KCNB2: variants seen among roughly 807,000 people sequenced by gnomAD.
KCNB2 encodes the protein potassium voltage-gated channel subfamily B member 2.
A neutral mutation model predicts 61.5 loss-of-function variants in KCNB2; 15 were observed. The ratio of observed to expected loss-of-function variants is 0.24; its 90% CI spans 0.16 to 0.38. The LOEUF (loss-of-function observed/expected upper bound fraction) is 0.38. KCNB2 is among the 10% of genes least tolerant of loss of function. The pLI is 1.00. For missense variants in KCNB2, 828 were observed against 1,125.2 expected (o/e 0.74, Z 3.78); for synonymous variants, 457 against 446.0 (o/e 1.02, Z -0.31).
chr8:72,806,628 A>G (rs984627247), intron 2 of KCNB2, among the ~76,000 whole-genome samples: 22 of 152,062 alleles, frequency 1.4e-4, no homozygotes, highest in Non-Finnish European at 2.2e-4. Flanking sequence ...AAAAAAAAAG[A>G]TGAATAATTT....
At chr8:72,631,121 A>G (rs1218433630) in intron 2 of KCNB2, among the ~76,000 whole-genome samples, 1 of 152,244 alleles carries the variant, frequency 6.6e-6, no homozygotes, top group African/African-American at 2.4e-5. Flanking sequence ...AATAAAAGTT[A>G]TGTGAATATG....
At chr8:72,831,868 A>G (rs920901072) in intron 2 of KCNB2, among the ~76,000 whole-genome samples, 52 of 152,384 alleles carry the variant, frequency 3.4e-4, no homozygotes, top group African/African-American at 1.2e-3. Context: ...ATCAGATCAT[A>G]TTATACTTGA....
At chr8:72,579,242 C>A (rs1806851995) in intron 2 of KCNB2, among the ~76,000 whole-genome samples, 1 of 152,102 alleles carries the variant, frequency 6.6e-6, no homozygotes, top group Non-Finnish European at 1.5e-5. Context: ...TACTGAACAA[C>A]TGTTGATTTT....
In KCNB2 at chr8:72,688,666, A is replaced by G. The variant is rs147702072; in HGVS notation, c.579+120353A>G. Among the ~76,000 whole-genome samples, 708 of 152,244 alleles carry G rather than the reference A, an allele frequency of 4.7e-3. 7 individuals carry two copies. The highest frequency in any genetic ancestry group is 0.016 in the African/African-American group (676 of 41,528). On this transcript the variant is annotated intron_variant, in intron 2 of 2. Coordinates refer to ENST00000523207, the MANE Select transcript of KCNB2 (RefSeq NM_004770.3). Reference sequence around the variant, plus strand: ...TAAATATTGAATAAATGAATTAACTACTTTAGAGTGTAATTACCATAATTT... The same window carrying G: ...TAAATATTGAATAAATGAATTAACTGCTTTAGAGTGTAATTACCATAATTT...
intron 2 of KCNB2, among the ~76,000 whole-genome samples, chr8:72,767,997 TG>T: frequency 1.3e-5 from 2 of 152,248 alleles, no homozygotes; most frequent in Non-Finnish European, 2.9e-5. Context: ...ATGTGTTTAT[TG>T]GCCTTTGTAT....
At chr8:72,923,046 G>T (rs796113676) in intron 2 of KCNB2, among the ~76,000 whole-genome samples, 3 of 151,934 alleles carry the variant, frequency 2.0e-5, no homozygotes, top group African/African-American at 7.2e-5. Context: ...GGAGCTTCCA[G>T]GTCATAGGTG....
chr8:72,558,434 A>G (rs991983274), intron 1 of KCNB2, among the ~76,000 whole-genome samples: 2 of 152,250 alleles, frequency 1.3e-5, no homozygotes, highest in Non-Finnish European at 2.9e-5. Flanking sequence ...AGCAGGAAAG[A>G]TTAATTCTTT....
intron 2 of KCNB2, among the ~76,000 whole-genome samples, chr8:72,913,825 A>C (rs1806343923): frequency 6.6e-6 from 1 of 152,220 alleles, no homozygotes; most frequent in Admixed American, 6.5e-5. Context: ...ACTTTTCAAC[A>C]AACATTTCAT....
At chr8:72,854,317 C>A (rs1295140895) in intron 2 of KCNB2, among the ~76,000 whole-genome samples, 1 of 152,114 alleles carries the variant, frequency 6.6e-6, no homozygotes, top group Non-Finnish European at 1.5e-5. Flanking sequence ...ACACAGGTAT[C>A]AGTTATATAT....
At chr8:72,884,023 T>G (rs1805761730) in intron 2 of KCNB2, among the ~76,000 whole-genome samples, 1 of 152,242 alleles carries the variant, frequency 6.6e-6, no homozygotes, top group African/African-American at 2.4e-5. Flanking sequence ...ATTGTATTGT[T>G]TTAGCTCTTT....
chr8:72,708,365 C>T (rs1807268585), intron 2 of KCNB2, among the ~76,000 whole-genome samples: 1 of 152,204 alleles, frequency 6.6e-6, no homozygotes, highest in African/African-American at 2.4e-5. Context: ...GGACAAACAG[C>T]TAAGCGCTCG....
chr8:72,714,351 A>G (rs974739467), intron 2 of KCNB2, among the ~76,000 whole-genome samples: 7 of 151,886 alleles, frequency 4.6e-5, no homozygotes, highest in African/African-American at 1.7e-4. Context: ...TCCAAGACAC[A>G]TAATTGTCAG....
At chr8:72,894,844 T>C (rs1341720344) in intron 2 of KCNB2, among the ~76,000 whole-genome samples, 1 of 152,194 alleles carries the variant, frequency 6.6e-6, no homozygotes, top group Non-Finnish European at 1.5e-5. Context: ...CATCTGGACA[T>C]TCAGTGAGAA....
At chr8:72,796,545 A>G (rs977242543) in intron 2 of KCNB2, among the ~76,000 whole-genome samples, 2 of 152,186 alleles carry the variant, frequency 1.3e-5, no homozygotes, top group South Asian at 2.1e-4. Context: ...AAAAGTAATT[A>G]TGGTTTTCAG....
chr8:72,864,839 A>C lies in KCNB2; in HGVS notation c.580-71096A>C, dbSNP rs565323656. ...TAGGAATTGCTGCCGGCCAGGCTCT[A>C]TTAGAGCCCTGGTTAATTAAATCTC... On this transcript the variant is annotated intron_variant, in intron 2 of 2. Transcript: ENST00000523207. Among the ~76,000 whole-genome samples, 382 of 152,314 alleles carry C rather than the reference A, an allele frequency of 2.5e-3. 4 individuals are homozygous for C. The highest frequency in any genetic ancestry group is 8.6e-3 in the African/African-American group (359 of 41,550).
chr8:72,847,172 G>A (rs989044900), intron 2 of KCNB2, among the ~76,000 whole-genome samples: 9 of 152,194 alleles, frequency 5.9e-5, no homozygotes, highest in Non-Finnish European at 1.2e-4. Flanking sequence ...CAGACTGGGG[G>A]CAATGGCTCC....
At chr8:72,858,395 T>G (rs995393276) in intron 2 of KCNB2, among the ~76,000 whole-genome samples, 1 of 152,004 alleles carries the variant, frequency 6.6e-6, no homozygotes, top group Non-Finnish European at 1.5e-5. Flanking sequence ...TAACTTTTTT[T>G]AAAAAAAAGA....
intron 2 of KCNB2, among the ~76,000 whole-genome samples, chr8:72,860,674 A>G (rs1810285510): frequency 6.6e-6 from 1 of 152,202 alleles, no homozygotes; most frequent in South Asian, 2.1e-4. Flanking sequence ...ATCTGAGGAA[A>G]TGCACTTAAA....
intron 2 of KCNB2, chr8:72,749,552 G>T (rs529237842): frequency 2.6e-5 from 4 of 151,732 alleles, no homozygotes; most frequent in African/African-American, 4.8e-5. Flanking sequence ...AAAGGAACAA[G>T]AAACTATTTT....
Sources: gnomAD v4.1 joint callset for allele counts (sites outside exome capture counted in the v4.1 genomes callset) on GRCh38, gnomAD v4.1.1 for gene constraint, MANE v1.5 for transcripts, NCBI Gene and HGNC (gene_info 2026-07-23, HGNC 2026-07-21) for gene names.